NR2F1-AS1: variants seen among roughly 807,000 people sequenced by gnomAD.
NR2F1-AS1 encodes the protein NR2F1 antisense RNA 1.
intron 4 of NR2F1-AS1, among the ~76,000 whole-genome samples, chr5:93,517,448 C>A (rs1751420561): frequency 6.6e-6 from 1 of 151,894 alleles, no homozygotes; most frequent in Non-Finnish European, 1.5e-5. Context: ...TAATTTACTT[C>A]ATTATATACT....
At position 93,538,555 on chromosome 5, in the gene NR2F1-AS1, A is replaced by G. The variant is rs775859849; in HGVS notation, n.638+15206T>C. 3.3e-5 allele frequency among the ~76,000 whole-genome samples: 5 copies of G among 152,224 alleles called. No individual in the cohort carries two copies. The South Asian group carries it at 8.3e-4, about 25-fold the overall frequency. Reference sequence around the variant, plus strand: ...GTACAACAACAAACAATGCTGCACGAAAGTGTTGAGCATGCCCACCATATT... The same window carrying G: ...GTACAACAACAAACAATGCTGCACGGAAGTGTTGAGCATGCCCACCATATT... On this transcript the variant is annotated intron_variant and non_coding_transcript_variant, in intron 4 of 5. Coordinates refer to ENST00000660523, the Ensembl canonical transcript of NR2F1-AS1.
intron 4 of NR2F1-AS1, among the ~76,000 whole-genome samples, chr5:93,457,623 T>C (rs1749981084): frequency 6.6e-6 from 1 of 152,188 alleles, no homozygotes. Flanking sequence ...TCATCATGGC[T>C]TGTCCTCGAT....
intron 4 of NR2F1-AS1, among the ~76,000 whole-genome samples, chr5:93,426,515 A>G (rs887101241): frequency 6.6e-6 from 1 of 152,226 alleles, no homozygotes; most frequent in African/African-American, 2.4e-5. Flanking sequence ...AAATACTACT[A>G]GGACTCAAAA....
chr5:93,544,579 T>G (rs1752031946), intron 4 of NR2F1-AS1, among the ~76,000 whole-genome samples: 1 of 152,174 alleles, frequency 6.6e-6, no homozygotes, highest in Non-Finnish European at 1.5e-5. Flanking sequence ...GTCTTAATCT[T>G]AAATATAAAA....
chr5:93,572,827 C>A (rs573501258), intron 1 of NR2F1-AS1, among the ~76,000 whole-genome samples: 1 of 152,232 alleles, frequency 6.6e-6, no homozygotes, highest in African/African-American at 2.4e-5. Flanking sequence ...ATTAAGAGCT[C>A]AAATGAGCTG....
chr5:93,525,547 G>A (rs956935035), intron 4 of NR2F1-AS1, among the ~76,000 whole-genome samples: 2 of 152,028 alleles, frequency 1.3e-5, no homozygotes, highest in African/African-American at 2.4e-5. Flanking sequence ...CCAAATCAAC[G>A]GAATATACCT....
chr5:93,447,708 T>C (rs1749745491), intron 4 of NR2F1-AS1, among the ~76,000 whole-genome samples: 1 of 152,196 alleles, frequency 6.6e-6, no homozygotes, highest in African/African-American at 2.4e-5. Context: ...TTAATGGGTA[T>C]ATACCCAAAG....
In NR2F1-AS1 at chr5:93,530,349, T is replaced by C. The variant is rs575011352; in HGVS notation, n.638+23412A>G. On this transcript the variant is annotated intron_variant and non_coding_transcript_variant, in intron 4 of 5. Transcript: ENST00000660523. ...CGCCTGCCTTGGCCTCCCAAAGTGC[T>C]GGGATTGCAGGCGATTTGAAGGCTT... is the stretch of plus-strand genomic sequence containing the variant. 9.8e-5 allele frequency among the ~76,000 whole-genome samples: 15 copies of C among 152,308 alleles called. No homozygotes were observed. The South Asian group carries it at 3.1e-3, about 32-fold the overall frequency.
At chr5:93,463,094 G>A (rs557521628) in intron 4 of NR2F1-AS1, among the ~76,000 whole-genome samples, 5 of 152,244 alleles carry the variant, frequency 3.3e-5, no homozygotes, top group East Asian at 3.9e-4. Context: ...AGACCTTTGC[G>A]GCAGCCCCAC....
In NR2F1-AS1 at chr5:93,557,625, C is replaced by A. The variant is rs1752389883; in HGVS notation, n.414-2630G>T. 1.3e-5 allele frequency among the ~76,000 whole-genome samples: 2 copies of A among 151,980 alleles called. 1 individual carries two copies. The highest frequency in any genetic ancestry group is 4.1e-4 in the South Asian group (2 of 4,826). On this transcript the variant is annotated intron_variant and non_coding_transcript_variant, in intron 2 of 5. Coordinates refer to ENST00000660523, the Ensembl canonical transcript of NR2F1-AS1. ...ATCTGAGCTTTCAGTGAGATGTAATCTTTTTGCTAGTGGAGAGTCTTGCCT... is the reference window on the plus strand; with the variant it reads ...ATCTGAGCTTTCAGTGAGATGTAATATTTTTGCTAGTGGAGAGTCTTGCCT...
intron 4 of NR2F1-AS1, among the ~76,000 whole-genome samples, chr5:93,506,356 A>G (rs1365671811): frequency 1.3e-5 from 2 of 151,926 alleles, no homozygotes; most frequent in Admixed American, 6.6e-5. Context: ...AGCCCTCCAA[A>G]CTGTTCCAAT....
intron 4 of NR2F1-AS1, among the ~76,000 whole-genome samples, chr5:93,500,176 G>C (rs981341855): frequency 2.6e-5 from 4 of 152,182 alleles, no homozygotes. Flanking sequence ...AACAGCCTTC[G>C]GTTGAAAGAA....
chr5:93,429,142 G>A (rs919627085), intron 4 of NR2F1-AS1, among the ~76,000 whole-genome samples: 5 of 152,084 alleles, frequency 3.3e-5, no homozygotes, highest in African/African-American at 1.2e-4. Context: ...TGTCAGAGCT[G>A]CATTTATTTT....
At chr5:93,582,047 C>T (rs369988213), upstream of NR2F1-AS1, among the ~76,000 whole-genome samples, 12 of 141,524 alleles carry the variant, frequency 8.5e-5, no homozygotes, top group East Asian at 1.5e-3. Flanking sequence ...CTCCTCTCTC[C>T]TCTCTTTCCT....
At chr5:93,544,866 G>A (rs537676126) in intron 4 of NR2F1-AS1, 1 of 147,392 alleles carries the variant, frequency 6.8e-6, no homozygotes, top group East Asian at 2.0e-4. Flanking sequence ...GTTGCGCTGA[G>A]CCGAGGTTGC....
intron 4 of NR2F1-AS1, among the ~76,000 whole-genome samples, chr5:93,431,855 G>A (rs963714883): frequency 6.6e-6 from 1 of 152,130 alleles, no homozygotes; most frequent in African/African-American, 2.4e-5. Context: ...AAATGAGTTT[G>A]ATTAATATGT....
intron 4 of NR2F1-AS1, among the ~76,000 whole-genome samples, chr5:93,451,583 T>C (rs1254445814): frequency 6.6e-6 from 1 of 151,950 alleles, no homozygotes; most frequent in East Asian, 1.9e-4. Context: ...TTGTATTTTT[T>C]GTAGAGGGGG....
At chr5:93,455,759 T>C (rs1327256294) in intron 4 of NR2F1-AS1, among the ~76,000 whole-genome samples, 10 of 151,706 alleles carry the variant, frequency 6.6e-5, no homozygotes, top group Non-Finnish European at 7.4e-5. Context: ...TCAAAAGACA[T>C]AGAAAAAGCA....
intron 4 of NR2F1-AS1, among the ~76,000 whole-genome samples, chr5:93,422,899 G>A (rs182334130): frequency 9.1e-4 from 139 of 152,260 alleles, no homozygotes; most frequent in African/African-American, 3.2e-3. Context: ...AATGGGAAAG[G>A]GACTAAGGTG....
Sources: gnomAD v4.1 joint callset for allele counts (sites outside exome capture counted in the v4.1 genomes callset) on GRCh38, gnomAD v4.1.1 for gene constraint, MANE v1.5 for transcripts, NCBI Gene and HGNC (gene_info 2026-07-23, HGNC 2026-07-21) for gene names.